FGF13: variants seen among roughly 807,000 people sequenced by gnomAD.
FGF13 encodes fibroblast growth factor homologous factor 2.
Under a neutral mutation model 19.5 loss-of-function variants are expected in FGF13, and 2 were observed. That is an observed-to-expected ratio of 0.10 (90% CI 0.04 to 0.32). The LOEUF (loss-of-function observed/expected upper bound fraction) is 0.32. FGF13 is among the 10% of genes least tolerant of loss of function. The probability of loss-of-function intolerance (pLI) is 1.00; values close to 1 mark genes in which losing one functional copy is unlikely to be tolerated. For synonymous variants in FGF13, 72 were observed against 76.9 expected, an observed-to-expected ratio of 0.94 and a Z score of 0.33; for missense variants, 113 against 192.7, an observed-to-expected ratio of 0.59 and a Z score of 2.45.
chrX:138,745,993 G>A (rs61378696), intron 3 of FGF13, among the ~76,000 whole-genome samples: 4,962 of 111,511 alleles, frequency 0.044, 250 homozygotes, highest in East Asian at 0.29. Context: ...TGTTCCCAAG[G>A]CAGATGAGGT....
intron 1 of FGF13, among the ~76,000 whole-genome samples, chrX:139,114,418 G>A (rs1343963439): frequency 1.8e-5 from 2 of 111,843 alleles, no homozygotes; most frequent in Non-Finnish European, 3.8e-5. Context: ...TTGACTATAT[G>A]CCAGGTTCCA....
intron 1 of FGF13, among the ~76,000 whole-genome samples, chrX:139,080,899 G>T (rs940737198): frequency 9.0e-6 from 1 of 110,583 alleles, no homozygotes. Flanking sequence ...CAAAGACTTT[G>T]CCCCTGTAAT....
intron 3 of FGF13, among the ~76,000 whole-genome samples, chrX:138,758,248 G>A (rs1345879144): frequency 1.8e-5 from 2 of 111,389 alleles, no homozygotes. Context: ...AATGTACTCT[G>A]GGGAAGAGAA....
intron 1 of FGF13, among the ~76,000 whole-genome samples, chrX:139,043,201 G>C (rs1436605940): frequency 9.0e-6 from 1 of 110,647 alleles, no homozygotes; most frequent in Non-Finnish European, 1.9e-5. Flanking sequence ...TTTTCAATTA[G>C]GGAAAGCTAA....
intron 1 of FGF13, among the ~76,000 whole-genome samples, chrX:139,108,015 A>G (rs1035657750): frequency 9.0e-6 from 1 of 111,694 alleles, no homozygotes; most frequent in African/African-American, 3.3e-5. Flanking sequence ...TGTGAAGACC[A>G]AATGAGATGA....
intron 1 of FGF13, among the ~76,000 whole-genome samples, chrX:138,888,322 C>G (rs192556843): frequency 1.4e-4 from 16 of 111,874 alleles, no homozygotes; most frequent in Non-Finnish European, 2.6e-4. Flanking sequence ...AGAACTCCAC[C>G]TCAGTCTTTG....
chrX:138,720,091 GCAC>G (rs2090137006), intron 1 of FGF13, among the ~76,000 whole-genome samples: 1 of 112,599 alleles, frequency 8.9e-6, no homozygotes, highest in Non-Finnish European at 1.9e-5. Context: ...AATGTATTGA[GCAC>G]CAACTCTACT....
upstream of FGF13, chrX:138,714,233 C>T (rs747011685): frequency 1.3e-4 from 14 of 111,900 alleles, no homozygotes; most frequent in Non-Finnish European, 2.4e-4. Context: ...CTCTCTTCCA[C>T]AAAGAGAACT....
chrX:138,902,722 T>C (rs2091537793), intron 1 of FGF13, among the ~76,000 whole-genome samples: 1 of 111,846 alleles, frequency 8.9e-6, no homozygotes, highest in Non-Finnish European at 1.9e-5. Context: ...ATACATTTAT[T>C]TGGGTAATGG....
chrX:139,151,581 A>C (rs1266804988), intron 1 of FGF13, among the ~76,000 whole-genome samples: 1 of 112,092 alleles, frequency 8.9e-6, no homozygotes, highest in Non-Finnish European at 1.9e-5. Flanking sequence ...TTTTTTAAGA[A>C]GCTAATTTAA....
chrX:138,777,301 AGT>A (rs779010115), intron 3 of FGF13, among the ~76,000 whole-genome samples: 9 of 111,634 alleles, frequency 8.1e-5, no homozygotes, highest in Admixed American at 6.6e-4. Context: ...GCAGCCAGGC[AGT>A]ACTGGCAATG....
chrX:139,081,723 CCTCTCTCT>C (rs754997120), intron 1 of FGF13, among the ~76,000 whole-genome samples: 1 of 75,399 alleles, frequency 1.3e-5, no homozygotes, highest in Non-Finnish European at 2.3e-5. Flanking sequence ...ATTCTTAATT[CCTCTCTCT>C]CTCTCTCTCT....
At chrX:139,152,471 C>A (rs2083942588) in intron 1 of FGF13, among the ~76,000 whole-genome samples, 1 of 110,130 alleles carries the variant, frequency 9.1e-6, no homozygotes, top group African/African-American at 3.3e-5. Context: ...GTTCTAGAGC[C>A]CGATCAAGCA....
chrX:138,792,835 G>A (rs1019894466), intron 3 of FGF13, among the ~76,000 whole-genome samples: 1 of 111,599 alleles, frequency 9.0e-6, no homozygotes, highest in Admixed American at 9.5e-5. Flanking sequence ...CAAGTCCCCT[G>A]TAGTGGGTTG....
intron 3 of FGF13, among the ~76,000 whole-genome samples, chrX:138,837,664 C>A (rs770188619): frequency 8.0e-5 from 9 of 112,062 alleles, no homozygotes; most frequent in Non-Finnish European, 1.5e-4. Flanking sequence ...GGAGGTTCTG[C>A]CCCATGAGGA....
chrX:138,728,633 G>T (rs1329509114), intron 1 of FGF13, among the ~76,000 whole-genome samples: 1 of 110,587 alleles, frequency 9.0e-6, no homozygotes, highest in Non-Finnish European at 1.9e-5. Flanking sequence ...TATTGGGAGA[G>T]GGGAAGGAGG....
At chrX:138,997,272 TCTC>T (rs1265430643) in intron 1 of FGF13, among the ~76,000 whole-genome samples, 2 of 111,672 alleles carry the variant, frequency 1.8e-5, no homozygotes, top group Non-Finnish European at 3.8e-5. Context: ...GACCGCCTCT[TCTC>T]CTACAAAGGA....
Position 138,800,481 on chromosome X carries a change from A to C in FGF13, c.217+57031T>G, listed in dbSNP as rs1193803143. On this transcript the variant is annotated intron_variant, in intron 3 of 6. Coordinates refer to the FGF13 transcript ENST00000436198. ...TGGGCTCCTCTTTGTAAGTAACCTG[A>C]CCTTTCTCTCTGGCTGCCCTTAACA... Among the ~76,000 whole-genome samples, 4 of 111,514 alleles carry C rather than the reference A, an allele frequency of 3.6e-5. No homozygotes were observed. In the Admixed American group the frequency reaches 3.8e-4, roughly 11 times the overall value.
chrX:138,722,395 G>C (rs377649679), intron 1 of FGF13, among the ~76,000 whole-genome samples: 1 of 111,623 alleles, frequency 9.0e-6, no homozygotes, highest in African/African-American at 3.3e-5. Context: ...ATCCTGCTTG[G>C]ATTAGAAGCC....
Sources: gnomAD v4.1 joint callset for allele counts (sites outside exome capture counted in the v4.1 genomes callset) on GRCh38, gnomAD v4.1.1 for gene constraint, MANE v1.5 for transcripts, NCBI Gene and HGNC (gene_info 2026-07-23, HGNC 2026-07-21) for gene names.